The following PLCH2 variants were observed in gnomAD, a reference collection of about 807,000 sequenced individuals.
PLCH2 encodes the protein 1-phosphatidylinositol 4,5-bisphosphate phosphodiesterase eta-2.
PLCH2 carries 98 observed loss-of-function variants against 134.7 expected under a neutral mutation model. The ratio of observed to expected loss-of-function variants is 0.73; its 90% CI spans 0.62 to 0.86. The LOEUF is 0.86. PLCH2 is among the 40% of genes least tolerant of loss of function. The pLI is 0.00. For synonymous variants in PLCH2, 974 were observed against 827.5 expected (o/e 1.18, Z -3.04); for missense variants, 1,994 against 1,986.6 (o/e 1.00, Z -0.07).
At chr1:2,432,709 C>A (rs189948065) in intron 2 of PLCH2, among the ~76,000 whole-genome samples, 13 of 152,142 alleles carry the variant, frequency 8.5e-5, no homozygotes, top group African/African-American at 2.4e-5. Context: ...GATCCCTGAG[C>A]CTCTCAGTGC....
chr1:2,448,300 G>A lies in PLCH2; in HGVS notation c.115+17671G>A, dbSNP rs1640035844. Among the ~76,000 whole-genome samples, 2 of 152,170 alleles carry A rather than the reference G, an allele frequency of 1.3e-5. No individual in the cohort carries two copies. Among genetic ancestry groups the A allele is most frequent in the Non-Finnish European group, 2.9e-5 (2 of 68,024 alleles). On this transcript the variant is annotated intron_variant, in intron 2 of 3. Transcript: ENST00000609981. The surrounding 1 kb of genome is among the most constrained non-coding windows in gnomAD (Gnocchi z 4.0). ...GGCTGGAAGTCTGAGGTCAGGGTGT[G>A]GGTGGGGCCGCGCTCCCTCTGCAGG...
At chr1:2,489,175 C>T (rs1642430620) in intron 8 of PLCH2, 32 bp from the exon 9 acceptor site, 11 of 1,606,700 alleles carry the variant, frequency 6.8e-6, no homozygotes, top group Non-Finnish European at 7.7e-6. Flanking sequence ...AGGCCCTGGC[C>T]TCATCCTGCT....
rs1642962117 is a variant in PLCH2, at chr1:2,497,517, A to C, written c.2132A>C (p.Gln711Pro). ...AGCQMVALNY[Q>P]SEGRMLQLNR... ...ACCCTCGCAGTTGCCCTGAACTACC[A>C]GTCAGAGGGGCGGATGCTGCAGCTG... The change falls in exon 16 of 22, where the codon CAG becomes CCG. Residue 711 changes from glutamine (Q) to proline (P), a missense_variant. Coordinates refer to ENST00000378486, the MANE Select transcript of PLCH2 (RefSeq NM_014638.4). 1 of 1,556,058 alleles carries C rather than the reference A, an allele frequency of 6.4e-7. No homozygotes were observed. The highest frequency in any genetic ancestry group is 8.7e-7 in the Non-Finnish European group (1 of 1,150,168).
At chr1:2,445,024 T>A (rs1384761609) in intron 2 of PLCH2, among the ~76,000 whole-genome samples, 1 of 152,050 alleles carries the variant, frequency 6.6e-6, no homozygotes, top group Non-Finnish European at 1.5e-5. Context: ...CCTGCTTGGT[T>A]GGTGGGGACA....
At chr1:2,438,649 G>A (rs189148438) in intron 2 of PLCH2, among the ~76,000 whole-genome samples, 1 of 152,300 alleles carries the variant, frequency 6.6e-6, no homozygotes, top group East Asian at 1.9e-4. Flanking sequence ...GGCCACTGCG[G>A]CTAGGGCAGG....
intron 2 of PLCH2, among the ~76,000 whole-genome samples, chr1:2,442,392 C>T (rs879866887): frequency 2.5e-4 from 38 of 152,254 alleles, no homozygotes; most frequent in Admixed American, 1.2e-3. Context: ...ATAGAAACTC[C>T]GGCAACACTG....
chr1:2,456,131 G>A (rs972182668), intron 2 of PLCH2, among the ~76,000 whole-genome samples: 2 of 152,200 alleles, frequency 1.3e-5, no homozygotes, highest in Admixed American at 6.5e-5. Flanking sequence ...TTTGGGATGC[G>A]GAGCCCAGAG....
Position 2,439,829 on chromosome 1 carries a change from C to T in PLCH2, c.115+9200C>T, listed in dbSNP as rs1188859474. On this transcript the variant is annotated intron_variant, in intron 2 of 3. Transcript: ENST00000609981. This position sits in a 1 kb window ranked among gnomAD's most constrained non-coding sequence, Gnocchi z 4.7. ...TTGCCTGAGAGACACCGCAGCCAGG[C>T]CTGGCTGGAGTGTTCGAGGGCAGCG... Among the ~76,000 whole-genome samples, 1 of 152,134 alleles carries T rather than the reference C, an allele frequency of 6.6e-6. No homozygotes were observed. The highest frequency in any genetic ancestry group is 2.4e-5 in the African/African-American group (1 of 41,436).
At chr1:2,420,958 T>TC in the PLCH2 span, among the ~76,000 whole-genome samples, 1 of 151,566 alleles carries the variant, frequency 6.6e-6, no homozygotes, top group Admixed American at 6.6e-5. Flanking sequence ...TTCACACTTT[T>TC]TTTTTTTTTT....
chr1:2,427,046 G>T lies in PLCH2; in HGVS notation c.-178+1009G>T, dbSNP rs114731966. Among the ~76,000 whole-genome samples the T allele has an allele frequency of 2.8e-3, 429 of 152,362 alleles. 3 individuals are homozygous for T. The highest frequency in any genetic ancestry group is 9.5e-3 in the African/African-American group (394 of 41,584). On this transcript the variant is annotated intron_variant, in intron 1 of 3. Transcript: ENST00000609981. ...CCAGCCATAGGCTCACTGGCATGGG[G>T]CCTGGTCTGCCTCCTATGCCCAGGA...
intron 2 of PLCH2, 29 bp downstream of exon 2, chr1:2,478,651 A>G: frequency 1.3e-6 from 2 of 1,587,248 alleles, no homozygotes; most frequent in South Asian, 1.1e-5. Context: ...GTGGGGACAA[A>G]TCAGAGTCCC....
At chr1:2,431,758 T>C (rs1369595721) in intron 2 of PLCH2, among the ~76,000 whole-genome samples, 1 of 152,134 alleles carries the variant, frequency 6.6e-6, no homozygotes, top group Non-Finnish European at 1.5e-5. Context: ...TGCCTCTCCG[T>C]TCCTACCCCT....
intron 2 of PLCH2, among the ~76,000 whole-genome samples, chr1:2,445,066 TG>T (rs1449865123): frequency 6.6e-6 from 1 of 152,104 alleles, no homozygotes; most frequent in Non-Finnish European, 1.5e-5. Context: ...CCTAGGACCC[TG>T]GGCTGATGGG....
intron 2 of PLCH2, among the ~76,000 whole-genome samples, chr1:2,453,624 C>T (rs1205940770): frequency 2.0e-5 from 3 of 152,164 alleles, no homozygotes; most frequent in South Asian, 2.1e-4. Flanking sequence ...AGGGGCAGGA[C>T]CCTCCACCAC....
intron 1 of PLCH2, among the ~76,000 whole-genome samples, chr1:2,470,484 C>G (rs1437869443): frequency 6.6e-6 from 1 of 152,242 alleles, no homozygotes; most frequent in African/African-American, 2.4e-5. Context: ...CTGTCTGAGA[C>G]TCTCTGGCAG....
At chr1:2,488,031 A>T (rs555684193) in intron 8 of PLCH2, among the ~76,000 whole-genome samples, 1 of 152,380 alleles carries the variant, frequency 6.6e-6, no homozygotes, top group East Asian at 1.9e-4. Context: ...TCCAGACTCA[A>T]TTGGCTGTCA....
At chr1:2,501,276 G>T (rs989581657) in intron 20 of PLCH2, 2 of 152,152 alleles carry the variant, frequency 1.3e-5, no homozygotes, top group Admixed American at 6.5e-5. Context: ...TGTCTCGGGG[G>T]CATCTGGCAT....
At chr1:2,434,390 A>G (rs1184450460) in intron 2 of PLCH2, among the ~76,000 whole-genome samples, 1 of 152,238 alleles carries the variant, frequency 6.6e-6, no homozygotes, top group Non-Finnish European at 1.5e-5. Context: ...CCGGGCACCC[A>G]CAGGGCCTCT....
At chr1:2,499,349 A>G in intron 19 of PLCH2, 119 bp downstream of exon 19, 1 of 1,246,214 alleles carries the variant, frequency 8.0e-7, no homozygotes, top group African/African-American at 1.5e-5. Context: ...CACCAAAGAG[A>G]CAGGAGCTGA....
Sources: gnomAD v4.1 joint callset for allele counts (sites outside exome capture counted in the v4.1 genomes callset) on GRCh38, gnomAD v4.1.1 for gene constraint, Gnocchi (gnomAD v3.1) non-coding constraint, MANE v1.5 for transcripts, NCBI Gene and HGNC (gene_info 2026-07-23, HGNC 2026-07-21) for gene names.